ADAMTS17: variants seen among roughly 807,000 people sequenced by gnomAD.
The protein encoded by ADAMTS17 is ADAM metallopeptidase with thrombospondin type 1 motif 17, also known as A disintegrin and metalloproteinase with thrombospondin motifs 17.
In ADAMTS17, 113 loss-of-function variants were observed where a neutral mutation model predicts 141.5. That is an observed-to-expected ratio of 0.80 (90% CI 0.69 to 0.93). The LOEUF (loss-of-function observed/expected upper bound fraction) is 0.93, where lower values mean the gene tolerates loss of function less well. Ranked by LOEUF, ADAMTS17 falls within the 40% of genes least tolerant of loss-of-function variation. The pLI, the probability that ADAMTS17 is intolerant of heterozygous loss-of-function variation, is 0.00. For missense variants in ADAMTS17, 1,659 were observed against 1,517.9 expected (o/e 1.09, Z -1.54); for synonymous variants, 768 against 630.6 (o/e 1.22, Z -3.27).
At chr15:100,275,181 G>C (rs1440974090) in intron 4 of ADAMTS17, among the ~76,000 whole-genome samples, 1 of 152,208 alleles carries the variant, frequency 6.6e-6, no homozygotes, top group African/African-American at 2.4e-5. Flanking sequence ...CGTAAGCAGA[G>C]CATTCCTGAC....
At chr15:100,245,929 G>C (rs2141921915) in intron 7 of ADAMTS17, among the ~76,000 whole-genome samples, 1 of 152,208 alleles carries the variant, frequency 6.6e-6, no homozygotes. Flanking sequence ...TTTGTGTGTA[G>C]GTAAGACACA....
At chr15:100,050,856 C>T (rs1249285016) in intron 17 of ADAMTS17, among the ~76,000 whole-genome samples, 1 of 152,202 alleles carries the variant, frequency 6.6e-6, no homozygotes, top group African/African-American at 2.4e-5. Flanking sequence ...GGGTGACAAA[C>T]AGCACTGTAC....
chr15:100,189,009 C>T (rs188418998), intron 8 of ADAMTS17, among the ~76,000 whole-genome samples: 2 of 152,340 alleles, frequency 1.3e-5, no homozygotes, highest in East Asian at 3.9e-4. Context: ...ACCAAAAGGT[C>T]CACCCCTTGG....
Position 100,156,896 on chromosome 15 carries a change from G to A in ADAMTS17, c.1182-1576C>T, listed in dbSNP as rs138797408. ...TATAGGCATGCTTTGTGTGAGGAAA[G>A]TGTATTAGTCCATTTTCACACTGCT... On this transcript the variant is annotated intron_variant, in intron 8 of 21. Coordinates refer to ENST00000268070, the MANE Select transcript of ADAMTS17 (RefSeq NM_139057.4). Among the ~76,000 whole-genome samples, 1,019 of 152,342 alleles carry A rather than the reference G, an allele frequency of 6.7e-3. 4 individuals are homozygous for A. The highest frequency in any genetic ancestry group is 0.011 in the South Asian group (54 of 4,828).
chr15:100,209,113 CA>C (rs60742726), intron 7 of ADAMTS17, among the ~76,000 whole-genome samples: 24,256 of 96,130 alleles, frequency 0.25, 1,854 homozygotes, highest in East Asian at 0.41. Flanking sequence ...GCCAAGTTAG[CA>C]AAAAAAAAAA....
At chr15:100,262,037 AG>A (rs1456360008) in intron 5 of ADAMTS17, among the ~76,000 whole-genome samples, 3 of 152,106 alleles carry the variant, frequency 2.0e-5, no homozygotes, top group Non-Finnish European at 4.4e-5. Context: ...GCTCTAATGT[AG>A]TTTCAGAAGG....
At chr15:100,210,871 A>G (rs1165274504) in intron 7 of ADAMTS17, among the ~76,000 whole-genome samples, 1 of 151,948 alleles carries the variant, frequency 6.6e-6, no homozygotes, top group Non-Finnish European at 1.5e-5. Flanking sequence ...GGCAGCAGAG[A>G]TGGGCGGATC....
intron 8 of ADAMTS17, among the ~76,000 whole-genome samples, chr15:100,161,807 T>C (rs12441845): frequency 0.02 from 3,111 of 152,242 alleles, 167 homozygotes; most frequent in East Asian, 0.19. Context: ...AGGGTCAATT[T>C]CCATGATCAT....
chr15:100,113,585 C>T (rs533451278), intron 13 of ADAMTS17, among the ~76,000 whole-genome samples: 46 of 152,294 alleles, frequency 3.0e-4, no homozygotes, highest in African/African-American at 1.1e-3. Context: ...TAAGAGGTGC[C>T]GTGGGCTACC....
chr15:100,220,182 T>C (rs2042088790), intron 7 of ADAMTS17, among the ~76,000 whole-genome samples: 1 of 152,146 alleles, frequency 6.6e-6, no homozygotes, highest in Non-Finnish European at 1.5e-5. Flanking sequence ...AGCAGACATG[T>C]CGATGTCAGG....
chr15:100,270,223 G>A (rs1173815816), intron 4 of ADAMTS17, among the ~76,000 whole-genome samples: 1 of 152,118 alleles, frequency 6.6e-6, no homozygotes, highest in Admixed American at 6.5e-5. Flanking sequence ...AATAGGGTGT[G>A]GATGAGAAGC....
At chr15:100,261,351 C>G in intron 6 of ADAMTS17, 128 bp downstream of exon 6, 2 of 1,353,582 alleles carry the variant, frequency 1.5e-6, no homozygotes, top group African/African-American at 1.4e-5. Flanking sequence ...ATGAGGAAAC[C>G]AAAACCCAGA....
chr15:99,973,516 GT>G lies in ADAMTS17; in HGVS notation c.*885del, dbSNP rs971322468. On this transcript the variant is annotated 3_prime_UTR_variant, in exon 22 of 22. Transcript: ENST00000268070. ...TTAGGAAGTGCAGGCCAGAGTGGATGTTCCCGGAAGGCGGGGCAGGTGCCCA... is the reference window on the plus strand; with the variant it reads ...TTAGGAAGTGCAGGCCAGAGTGGATGTCCCGGAAGGCGGGGCAGGTGCCCA... 6.6e-6 allele frequency: 1 copy of G among 152,280 alleles called. No homozygotes were observed. The highest frequency in any genetic ancestry group is 2.4e-5 in the African/African-American group (1 of 41,436). 9.4% of individuals were successfully genotyped at this position (152,280 alleles called of 1,614,324 possible).
chr15:100,117,745 T>C (rs983818184), intron 12 of ADAMTS17, among the ~76,000 whole-genome samples: 4 of 152,302 alleles, frequency 2.6e-5, no homozygotes, highest in South Asian at 2.1e-4. Context: ...CAGGGTGTCC[T>C]TGACAACCTG....
chr15:100,122,924 A>G (rs1181510885), intron 12 of ADAMTS17, among the ~76,000 whole-genome samples: 1 of 152,230 alleles, frequency 6.6e-6, no homozygotes, highest in Non-Finnish European at 1.5e-5. Flanking sequence ...TCAAGAGTCA[A>G]CTGTACCTTG....
intron 3 of ADAMTS17, among the ~76,000 whole-genome samples, chr15:100,317,724 G>A (rs940910870): frequency 6.6e-6 from 1 of 152,200 alleles, no homozygotes; most frequent in Non-Finnish European, 1.5e-5. Context: ...TGCTTGCTCT[G>A]CTGACTTACG....
At chr15:100,012,822 C>T (rs2061213786) in intron 18 of ADAMTS17, among the ~76,000 whole-genome samples, 1 of 152,108 alleles carries the variant, frequency 6.6e-6, no homozygotes, top group Non-Finnish European at 1.5e-5. Flanking sequence ...TAGTGTGATG[C>T]CTCCAGATTT....
chr15:100,085,259 A>AT (rs1281770638), intron 15 of ADAMTS17, among the ~76,000 whole-genome samples: 4 of 152,080 alleles, frequency 2.6e-5, no homozygotes, highest in African/African-American at 7.2e-5. Context: ...GGAAGATGAA[A>AT]GAATGAAATG....
At chr15:100,301,426 A>G (rs1287824609) in intron 3 of ADAMTS17, among the ~76,000 whole-genome samples, 1 of 150,598 alleles carries the variant, frequency 6.6e-6, no homozygotes, top group African/African-American at 2.4e-5. Context: ...CCAGGTTCAC[A>G]CCATTCTCCT....
Sources: gnomAD v4.1 joint callset for allele counts (sites outside exome capture counted in the v4.1 genomes callset) on GRCh38, gnomAD v4.1.1 for gene constraint, MANE v1.5 for transcripts, NCBI Gene and HGNC (gene_info 2026-07-23, HGNC 2026-07-21) for gene names.